The following INPP5A variants were observed in gnomAD, a reference collection of about 807,000 sequenced individuals.
INPP5A encodes inositol polyphosphate-5-phosphatase A.
Under a neutral mutation model 65.2 loss-of-function variants are expected in INPP5A, and 14 were observed. The observed-to-expected ratio is 0.21, with a 90% CI of 0.14 to 0.34. The LOEUF is 0.34. Among genes scored for constraint, INPP5A ranks in the 10% least tolerant of loss-of-function variants. The pLI is 1.00. For synonymous variants in INPP5A, 207 were observed against 208.3 expected, an observed-to-expected ratio of 0.99 and a Z score of 0.05; for missense variants, 431 against 545.6, an observed-to-expected ratio of 0.79 and a Z score of 2.09.
chr10:132,602,502 C>T (rs936304882), intron 1 of INPP5A, among the ~76,000 whole-genome samples: 7 of 152,118 alleles, frequency 4.6e-5, no homozygotes, highest in Non-Finnish European at 5.9e-5. Flanking sequence ...GTCATGTTGG[C>T]CAGGCTGGTC....
intron 1 of INPP5A, among the ~76,000 whole-genome samples, chr10:132,568,634 G>A (rs547491012): frequency 4.7e-4 from 71 of 152,114 alleles, no homozygotes; most frequent in South Asian, 2.1e-3. Flanking sequence ...TTGGGCACCC[G>A]TAATATCAGC....
At chr10:132,597,040 T>C (rs2071710461) in intron 1 of INPP5A, among the ~76,000 whole-genome samples, 1 of 151,962 alleles carries the variant, frequency 6.6e-6, no homozygotes, top group South Asian at 2.1e-4. Context: ...TGCATGTGTA[T>C]GCATGCATGT....
At position 132,675,586 on chromosome 10, in the gene INPP5A, G is replaced by A. The variant is rs977861510; in HGVS notation, c.307-14806G>A. 4.6e-5 allele frequency among the ~76,000 whole-genome samples: 7 copies of A among 151,994 alleles called. No individual in the cohort carries two copies. The highest frequency in any genetic ancestry group is 2.1e-4 in the South Asian group (1 of 4,808). On this transcript the variant is annotated intron_variant, in intron 4 of 15. Transcript: ENST00000368594. The surrounding 1 kb of genome is among the most constrained non-coding windows in gnomAD (Gnocchi z 4.2). ...GCGTTCCAGGGGCCTTGCCGTGCCC[G>A]GGAGAGTGAGGGTAACGGACATTCC...
chr10:132,766,976 C>CAG (rs1379581697), intron 12 of INPP5A, among the ~76,000 whole-genome samples: 156 of 85,278 alleles, frequency 1.8e-3, no homozygotes, highest in African/African-American at 7.6e-3. Context: ...GATGTGGCCT[C>CAG]GGAGCTTGGG....
chr10:132,580,926 A>G (rs2071475328), intron 1 of INPP5A, among the ~76,000 whole-genome samples: 1 of 152,254 alleles, frequency 6.6e-6, no homozygotes, highest in Non-Finnish European at 1.5e-5. Context: ...AGCAAAATAT[A>G]CAGATCCTAA....
At chr10:132,654,460 C>G (rs1334294213) in intron 4 of INPP5A, among the ~76,000 whole-genome samples, 1 of 152,198 alleles carries the variant, frequency 6.6e-6, no homozygotes, top group Non-Finnish European at 1.5e-5. Context: ...GGAACGCTGC[C>G]CCCTGGGCCA....
At chr10:132,749,142 G>C (rs1202045196) in intron 9 of INPP5A, among the ~76,000 whole-genome samples, 2 of 152,280 alleles carry the variant, frequency 1.3e-5, no homozygotes, top group Non-Finnish European at 2.9e-5. Context: ...GGACGGGAGA[G>C]AGCGAGCGGG....
chr10:132,742,386 C>T (rs1364019068), intron 9 of INPP5A, among the ~76,000 whole-genome samples: 4 of 152,198 alleles, frequency 2.6e-5, no homozygotes, highest in African/African-American at 7.2e-5. Context: ...CAGAGAGGGG[C>T]GCTCCCAGCT....
chr10:132,747,457 C>G (rs547533306), intron 9 of INPP5A, among the ~76,000 whole-genome samples: 36 of 152,376 alleles, frequency 2.4e-4, no homozygotes, highest in African/African-American at 7.2e-4. Flanking sequence ...ACACCAGCCA[C>G]CAGGAGGTAG....
intron 2 of INPP5A, among the ~76,000 whole-genome samples, chr10:132,622,257 T>C (rs571713883): frequency 1.1e-4 from 17 of 152,260 alleles, no homozygotes; most frequent in South Asian, 4.2e-4. Context: ...AAATATACCA[T>C]GTTCATGGAT....
intron 1 of INPP5A, among the ~76,000 whole-genome samples, chr10:132,548,135 C>T (rs2071002618): frequency 6.6e-6 from 1 of 152,026 alleles, no homozygotes; most frequent in Non-Finnish European, 1.5e-5. Flanking sequence ...AACTCCTGAC[C>T]TTGTGATCTG....
rs148152242 is a variant in INPP5A, at chr10:132,687,194, T to A, written c.307-3198T>A. On this transcript the variant is annotated intron_variant, in intron 4 of 15. Transcript: ENST00000368594. ...TCCTGACCTCGAGTGATCCGCTGCC[T>A]CGCCCCCACAAAGTGCTGGTATTAC... is the stretch of plus-strand genomic sequence containing the variant. 4.7e-3 allele frequency among the ~76,000 whole-genome samples: 721 copies of A among 152,328 alleles called. 7 individuals are homozygous for A. Among genetic ancestry groups the A allele is most frequent in the African/African-American group, 0.017 (694 of 41,578 alleles).
At chr10:132,761,742 A>C (rs1475324611) in intron 11 of INPP5A, among the ~76,000 whole-genome samples, 1 of 152,324 alleles carries the variant, frequency 6.6e-6, no homozygotes, top group East Asian at 1.9e-4. Context: ...AAAAATTCCC[A>C]AAAATCAAGA....
Position 132,707,122 on chromosome 10 carries a change from G to A in INPP5A, c.475-1191G>A, listed in dbSNP as rs146436658. ...TTTCTTCACGGGTGTTTCGTCCACAGTTAACTCCAGATTCCCATCTGCTTT... is the reference window on the plus strand; with the variant it reads ...TTTCTTCACGGGTGTTTCGTCCACAATTAACTCCAGATTCCCATCTGCTTT... On this transcript the variant is annotated intron_variant, in intron 6 of 15. Transcript: ENST00000368594. The surrounding 1 kb of genome is among the most constrained non-coding windows in gnomAD (Gnocchi z 5.5). 1.3e-5 allele frequency among the ~76,000 whole-genome samples: 2 copies of A among 152,232 alleles called. No individual in the cohort carries two copies. Among genetic ancestry groups the A allele is most frequent in the Non-Finnish European group, 2.9e-5 (2 of 68,040 alleles).
At chr10:132,716,099 AG>A (rs1258133012) in intron 8 of INPP5A, among the ~76,000 whole-genome samples, 150 of 152,298 alleles carry the variant, frequency 9.8e-4, no homozygotes, top group African/African-American at 3.4e-3. Flanking sequence ...TGGAGTCAAG[AG>A]CCAAGAAAGG....
chr10:132,756,944 A>C (rs1027492822), intron 11 of INPP5A, among the ~76,000 whole-genome samples: 2 of 152,244 alleles, frequency 1.3e-5, no homozygotes, highest in African/African-American at 4.8e-5. Flanking sequence ...TTATCAAAAA[A>C]TGTTTTAAGA....
At chr10:132,573,233 G>C (rs1381564854) in intron 1 of INPP5A, among the ~76,000 whole-genome samples, 1 of 146,328 alleles carries the variant, frequency 6.8e-6, no homozygotes, top group African/African-American at 2.6e-5. Flanking sequence ...TGTGTGCTGT[G>C]TGAGGTTTTG....
intron 13 of INPP5A, among the ~76,000 whole-genome samples, chr10:132,780,312 C>T (rs1847138614): frequency 6.6e-6 from 1 of 152,206 alleles, no homozygotes; most frequent in African/African-American, 2.4e-5. Flanking sequence ...AATTACTGTG[C>T]ACAGATTGCT....
At chr10:132,735,604 G>A (rs12766050) in intron 9 of INPP5A, among the ~76,000 whole-genome samples, 25,763 of 152,214 alleles carry the variant, frequency 0.17, 2,579 homozygotes, top group Non-Finnish European at 0.23. Flanking sequence ...TCGGTCCTGG[G>A]CTGGTGGGGT....
Sources: gnomAD v4.1 joint callset for allele counts (sites outside exome capture counted in the v4.1 genomes callset) on GRCh38, gnomAD v4.1.1 for gene constraint, Gnocchi (gnomAD v3.1) non-coding constraint, MANE v1.5 for transcripts, NCBI Gene and HGNC (gene_info 2026-07-23, HGNC 2026-07-21) for gene names.